The following RSPH14 variants were observed in gnomAD, a reference collection of about 807,000 sequenced individuals.
The protein encoded by RSPH14 is rhabdoid tumor deletion region gene 1.
RSPH14 carries 20 observed loss-of-function variants against 26.7 expected under a neutral mutation model. That is an observed-to-expected ratio of 0.75 (90% CI 0.53 to 1.09). RSPH14 has a LOEUF of 1.09. RSPH14 is among the 50% of genes least tolerant of loss of function. The pLI is 0.00. For missense variants in RSPH14, 449 were observed against 457.2 expected (o/e 0.98, Z 0.16); for synonymous variants, 177 against 189.3 (o/e 0.93, Z 0.53).
chr22:23,121,757 C>T (rs1456834749), intron 4 of RSPH14, among the ~76,000 whole-genome samples: 7 of 144,174 alleles, frequency 4.9e-5, no homozygotes, highest in East Asian at 4.0e-4. Flanking sequence ...AGTCTCGCTG[C>T]GTCGCCCAGA....
intron 4 of RSPH14, among the ~76,000 whole-genome samples, chr22:23,078,325 C>T (rs567809437): frequency 6.6e-6 from 1 of 152,240 alleles, no homozygotes; most frequent in Non-Finnish European, 1.5e-5. Flanking sequence ...TGGGCCAGTG[C>T]CAGGCATTGA....
intron 4 of RSPH14, among the ~76,000 whole-genome samples, chr22:23,125,941 A>T (rs2070172149): frequency 6.6e-6 from 1 of 152,138 alleles, no homozygotes; most frequent in Non-Finnish European, 1.5e-5. Flanking sequence ...AAGCACATGC[A>T]CACACGCGCA....
the RSPH14 span, among the ~76,000 whole-genome samples, chr22:23,169,385 G>C: frequency 6.6e-6 from 1 of 152,242 alleles, no homozygotes; most frequent in African/African-American, 2.4e-5. Context: ...CACTTGAAGG[G>C]AGCCCTCCTC....
chr22:23,146,527 G>A (rs530834347), upstream of RSPH14: 4 of 1,553,178 alleles, frequency 2.6e-6, no homozygotes, highest in African/African-American at 5.4e-5. Context: ...CTGATGAAAA[G>A]TTAGGTGGAA....
intron 4 of RSPH14, among the ~76,000 whole-genome samples, chr22:23,074,452 A>T (rs985928410): frequency 6.6e-5 from 10 of 152,162 alleles, no homozygotes; most frequent in African/African-American, 2.4e-4. Flanking sequence ...GATACAGAAA[A>T]ACCCATTCTG....
At chr22:23,070,209 C>T (rs2068309018) in intron 4 of RSPH14, among the ~76,000 whole-genome samples, 1 of 151,134 alleles carries the variant, frequency 6.6e-6, no homozygotes, top group Non-Finnish European at 1.5e-5. Context: ...GGCCGGCGCT[C>T]GTGGCGGGGC....
chr22:23,076,651 A>G (rs532391700), intron 4 of RSPH14, among the ~76,000 whole-genome samples: 8 of 152,234 alleles, frequency 5.3e-5, no homozygotes, highest in Non-Finnish European at 1.0e-4. Context: ...TCAGTGATGC[A>G]ATGTGACTCA....
the RSPH14 span, chr22:23,159,289 A>G: frequency 3.2e-6 from 5 of 1,542,740 alleles, no homozygotes; most frequent in South Asian, 6.0e-5. Flanking sequence ...GGTGGGGCAG[A>G]GCCCTGCTCT....
intron 4 of RSPH14, among the ~76,000 whole-genome samples, chr22:23,075,124 G>A (rs996582987): frequency 1.3e-5 from 2 of 152,188 alleles, no homozygotes; most frequent in Non-Finnish European, 1.5e-5. Context: ...ATAATATTGG[G>A]GATGTAGTGG....
chr22:23,171,468 A>G, the RSPH14 span, among the ~76,000 whole-genome samples: 1 of 152,230 alleles, frequency 6.6e-6, no homozygotes, highest in African/African-American at 2.4e-5. Flanking sequence ...GTGTACCACA[A>G]TGCCCAGCTA....
Position 23,138,875 on chromosome 22 carries a change from C to T in RSPH14, c.267G>A (p.Glu89=). The part of the protein sequence containing the change: ...SNSMVRIKTT[E]VLHITASHSV... ...TATGGCTTGCCGTGATGTGGAGCAC[C>T]TCGGTGGTCTTTATGCGCACCATAC... The change falls in exon 3 of 7, where the codon GAG becomes GAA. Residue 89 remains glutamate, a synonymous_variant. Coordinates refer to ENST00000216036, the MANE Select transcript of RSPH14 (RefSeq NM_014433.3). 2 of 1,551,804 alleles carry T rather than the reference C, an allele frequency of 1.3e-6. No homozygotes were observed. Among genetic ancestry groups the T allele is most frequent in the South Asian group, 1.2e-5 (1 of 84,078 alleles).
chr22:23,167,156 T>C, the RSPH14 span, among the ~76,000 whole-genome samples: 1 of 152,102 alleles, frequency 6.6e-6, no homozygotes, highest in Non-Finnish European at 1.5e-5. Context: ...AGTGGGAATC[T>C]GCTGCAGGTG....
chr22:23,076,372 C>G (rs2068507870), intron 4 of RSPH14, among the ~76,000 whole-genome samples: 1 of 152,210 alleles, frequency 6.6e-6, no homozygotes, highest in Admixed American at 6.5e-5. Context: ...CGCAGACAGT[C>G]ATGCCTCAGT....
chr22:23,163,500 T>C, the RSPH14 span: 1 of 152,344 alleles, frequency 6.6e-6, no homozygotes, highest in Non-Finnish European at 1.5e-5. Context: ...AGTGCTGGGA[T>C]TACAGGCCTG....
At chr22:23,110,508 A>C (rs2069614284) in intron 4 of RSPH14, among the ~76,000 whole-genome samples, 1 of 152,180 alleles carries the variant, frequency 6.6e-6, no homozygotes, top group African/African-American at 2.4e-5. Flanking sequence ...GGGCACAGCA[A>C]GGCAGGTCCT....
At chr22:23,096,427 G>A (rs754601776) in intron 4 of RSPH14, 31 of 1,591,954 alleles carry the variant, frequency 1.9e-5, no homozygotes, top group Non-Finnish European at 2.3e-5. Flanking sequence ...CAGTAAGTGG[G>A]GCCGGGGGTT....
chr22:23,164,673 T>C, the RSPH14 span, among the ~76,000 whole-genome samples: 1 of 152,216 alleles, frequency 6.6e-6, no homozygotes, highest in African/African-American at 2.4e-5. Flanking sequence ...GGTGCGGCAA[T>C]GACCACAGTG....
intron 2 of RSPH14, among the ~76,000 whole-genome samples, chr22:23,139,615 C>T (rs1289974523): frequency 3.4e-5 from 5 of 145,578 alleles, no homozygotes; most frequent in Admixed American, 7.2e-5. Flanking sequence ...AGCGAGATGC[C>T]ATCTCAAAAA....
chr22:23,064,728 G>A (rs751069826), intron 4 of RSPH14, among the ~76,000 whole-genome samples: 5 of 152,158 alleles, frequency 3.3e-5, no homozygotes, highest in African/African-American at 7.2e-5. Context: ...ATAGGCTCTC[G>A]TCTTCAAGGG....
Sources: allele counts gnomAD v4.1 joint callset (sites outside exome capture counted in the v4.1 genomes callset), GRCh38; gene constraint gnomAD v4.1.1; transcripts MANE v1.5; gene names NCBI Gene and HGNC (gene_info 2026-07-23, HGNC 2026-07-21).